The following RPS6KA2 variants were observed in gnomAD, a reference collection of about 807,000 sequenced individuals.
The protein encoded by RPS6KA2 is ribosomal protein S6 kinase A2.
Under a neutral mutation model 91.8 loss-of-function variants are expected in RPS6KA2, and 42 were observed. That is an observed-to-expected ratio of 0.46 (90% CI 0.36 to 0.59). The LOEUF (loss-of-function observed/expected upper bound fraction) is 0.59. RPS6KA2 is among the 20% of genes least tolerant of loss of function. The pLI is 0.00. For missense variants in RPS6KA2, 798 were observed against 978.5 expected, an observed-to-expected ratio of 0.82 and a Z score of 2.46; for synonymous variants, 414 against 393.6, an observed-to-expected ratio of 1.05 and a Z score of -0.61.
chr6:166,766,066 G>T (rs1407042451), intron 2 of RPS6KA2, among the ~76,000 whole-genome samples: 4 of 152,192 alleles, frequency 2.6e-5, no homozygotes, highest in Non-Finnish European at 4.4e-5. Flanking sequence ...CCTTTGGGTA[G>T]CCTGAGGTGT....
At chr6:166,573,762 G>A (rs78213113) in intron 1 of RPS6KA2, among the ~76,000 whole-genome samples, 2,973 of 152,338 alleles carry the variant, frequency 0.02, 32 homozygotes, top group African/African-American at 0.026. Context: ...TGGCTGCGTG[G>A]TGAAACAGTC....
At chr6:166,781,122 A>T (rs9459749) in intron 2 of RPS6KA2, among the ~76,000 whole-genome samples, 32,776 of 152,154 alleles carry the variant, frequency 0.22, 4,358 homozygotes, top group African/African-American at 0.37. Context: ...ACAAAACATG[A>T]TGGACCTTTT....
At chr6:166,722,339 C>T (rs941945016) in intron 2 of RPS6KA2, among the ~76,000 whole-genome samples, 10 of 152,170 alleles carry the variant, frequency 6.6e-5, no homozygotes, top group African/African-American at 2.4e-4. Flanking sequence ...TTTTGTAAGG[C>T]GGGTCAGACA....
intron 2 of RPS6KA2, among the ~76,000 whole-genome samples, chr6:166,650,621 C>T (rs542720820): frequency 5.3e-5 from 8 of 152,314 alleles, no homozygotes; most frequent in African/African-American, 1.9e-4. Flanking sequence ...GGCCAGCCAG[C>T]GGCATCCATA....
rs116403076 is a variant in RPS6KA2 at position 166,486,902 on chromosome 6, C to T, written c.907+1931G>A. Among the ~76,000 whole-genome samples the T allele has an allele frequency of 2.4e-3, 371 of 152,326 alleles. 1 individual carries two copies. The highest frequency in any genetic ancestry group is 8.7e-3 in the African/African-American group (363 of 41,572). On this transcript the variant is annotated intron_variant, in intron 10 of 20. Transcript: ENST00000265678. Reference sequence around the variant, plus strand: ...TGCGCTAAACAGCCTCAATGCATGGCGCAGCTCCCAAAACAAGAATTAACC... The same window carrying T: ...TGCGCTAAACAGCCTCAATGCATGGTGCAGCTCCCAAAACAAGAATTAACC...
At chr6:166,808,266 C>A (rs1015695774) in intron 2 of RPS6KA2, among the ~76,000 whole-genome samples, 2 of 152,192 alleles carry the variant, frequency 1.3e-5, no homozygotes, top group African/African-American at 4.8e-5. Context: ...ACTCTCCTAC[C>A]CCTACCTTTT....
intron 2 of RPS6KA2, among the ~76,000 whole-genome samples, chr6:166,792,317 C>A (rs889854461): frequency 4.6e-5 from 7 of 152,140 alleles, no homozygotes; most frequent in African/African-American, 1.2e-4. Flanking sequence ...GAAGTTGAGT[C>A]CCTGAATAGA....
chr6:166,484,810 A>C (rs1781350142), intron 10 of RPS6KA2, among the ~76,000 whole-genome samples: 1 of 152,250 alleles, frequency 6.6e-6, no homozygotes, highest in Non-Finnish European at 1.5e-5. Context: ...CAAAAAAATT[A>C]AAATTATTTA....
At chr6:166,756,277 G>A (rs1778007521) in intron 2 of RPS6KA2, among the ~76,000 whole-genome samples, 1 of 152,136 alleles carries the variant, frequency 6.6e-6, no homozygotes, top group East Asian at 1.9e-4. Flanking sequence ...GCAACAGAGC[G>A]AGACTCCGTC....
intron 2 of RPS6KA2, among the ~76,000 whole-genome samples, chr6:166,787,135 A>C (rs1344847629): frequency 2.0e-5 from 3 of 152,256 alleles, no homozygotes; most frequent in Non-Finnish European, 4.4e-5. Context: ...AAAAATATTC[A>C]AATTATTTGA....
intron 2 of RPS6KA2, among the ~76,000 whole-genome samples, chr6:166,843,943 A>AAT (rs1346008977): frequency 6.6e-6 from 1 of 152,178 alleles, no homozygotes; most frequent in Admixed American, 6.5e-5. Context: ...CCAGAAAAAG[A>AAT]ATTCAGAAGG....
At chr6:166,530,796 G>A (rs973915899) in intron 3 of RPS6KA2, among the ~76,000 whole-genome samples, 6 of 152,208 alleles carry the variant, frequency 3.9e-5, no homozygotes, top group African/African-American at 9.7e-5. Flanking sequence ...GGCAGAAATC[G>A]GTATTTCTAA....
At chr6:166,513,953 T>G (rs1401862111) in intron 3 of RPS6KA2, among the ~76,000 whole-genome samples, 1 of 152,222 alleles carries the variant, frequency 6.6e-6, no homozygotes, top group Non-Finnish European at 1.5e-5. Context: ...AATTTAGTCT[T>G]GCACCCGCTC....
At chr6:166,706,943 A>G (rs1789696290) in intron 2 of RPS6KA2, among the ~76,000 whole-genome samples, 1 of 152,246 alleles carries the variant, frequency 6.6e-6, no homozygotes, top group Admixed American at 6.5e-5. Flanking sequence ...CATTAAGAGT[A>G]AATGGTCTTC....
At chr6:166,771,127 C>T (rs756954792) in intron 2 of RPS6KA2, among the ~76,000 whole-genome samples, 13 of 152,156 alleles carry the variant, frequency 8.5e-5, no homozygotes, top group South Asian at 2.1e-4. Context: ...AAGGAACTTG[C>T]GACTTTTGTG....
intron 1 of RPS6KA2, among the ~76,000 whole-genome samples, chr6:166,593,206 C>T (rs148566820): frequency 1.3e-5 from 2 of 151,984 alleles, no homozygotes; most frequent in African/African-American, 2.4e-5. Context: ...GGATTCTAAG[C>T]GTTTGGAAGA....
chr6:166,808,391 A>G (rs1779545376), intron 2 of RPS6KA2, among the ~76,000 whole-genome samples: 1 of 152,140 alleles, frequency 6.6e-6, no homozygotes. Context: ...TCTACTCCTC[A>G]GTGAGTGTGA....
chr6:166,665,627 C>T lies in RPS6KA2; in HGVS notation c.124-126843G>A, dbSNP rs1004515270. Among the ~76,000 whole-genome samples the T allele has an allele frequency of 2.5e-4, 38 of 152,264 alleles. 1 individual carries two copies. The highest frequency in any genetic ancestry group is 2.3e-3 in the Admixed American group (35 of 15,298). ...CTTCTGAAAGACTCCAGAGCCAGTG[C>T]GACCCTCATTAGAACAAGCACCGGA... On this transcript the variant is annotated intron_variant, in intron 2 of 21. Coordinates refer to the RPS6KA2 transcript ENST00000503859. The surrounding 1 kb of genome is among the most constrained non-coding windows in gnomAD (Gnocchi z 4.5).
In RPS6KA2 at chr6:166,756,588, C is replaced by T. The variant is rs187060194; in HGVS notation, c.123+101612G>A. Among the ~76,000 whole-genome samples the T allele has an allele frequency of 3.9e-5, 6 of 152,312 alleles. No homozygotes were observed. In the East Asian group the frequency reaches 1.2e-3, roughly 29 times the overall value. On this transcript the variant is annotated intron_variant, in intron 2 of 21. Coordinates refer to the RPS6KA2 transcript ENST00000503859. ...CTCGGCTGGGTGTGGCGGCTCACAC[C>T]TGTAATCCCACCTCTTTGGGAGGCC...
Sources: gnomAD v4.1 joint callset for allele counts (sites outside exome capture counted in the v4.1 genomes callset) on GRCh38, gnomAD v4.1.1 for gene constraint, Gnocchi (gnomAD v3.1) non-coding constraint, MANE v1.5 for transcripts, NCBI Gene and HGNC (gene_info 2026-07-23, HGNC 2026-07-21) for gene names.